SEMA3A: variants seen among roughly 807,000 people sequenced by gnomAD.
The protein encoded by SEMA3A is semaphorin 3A.
SEMA3A carries 29 observed loss-of-function variants against 97.9 expected under a neutral mutation model. The observed-to-expected ratio is 0.30, with a 90% CI of 0.22 to 0.40. The LOEUF (loss-of-function observed/expected upper bound fraction) is 0.40. Ranked by LOEUF, SEMA3A falls within the 10% of genes least tolerant of loss-of-function variation. SEMA3A has a pLI of 1.00. For missense variants in SEMA3A, 763 were observed against 951.3 expected (o/e 0.80, Z 2.60); for synonymous variants, 321 against 323.7 (o/e 0.99, Z 0.09).
Position 84,467,959 on chromosome 7 carries a change from A to T in SEMA3A, c.-246+24501T>A, listed in dbSNP as rs1034208216. The stretch of plus-strand genomic sequence containing the variant: ...CTTTAACTCTGGGCCCAAGGCAGAG[A>T]CTGTTTTTATTTATCAAGCCCTACC... On this transcript the variant is annotated intron_variant, in intron 1 of 3. Coordinates refer to the SEMA3A transcript ENST00000424555. Among the ~76,000 whole-genome samples the T allele has an allele frequency of 2.0e-5, 3 of 152,206 alleles. No homozygotes were observed. In the East Asian group the frequency reaches 5.8e-4, roughly 29 times the overall value.
At chr7:84,036,902 T>C (rs1791960379) in intron 6 of SEMA3A, among the ~76,000 whole-genome samples, 1 of 152,114 alleles carries the variant, frequency 6.6e-6, no homozygotes, top group Admixed American at 6.6e-5. Flanking sequence ...GTATCACCTG[T>C]AACTTGCATT....
At chr7:84,392,908 G>C (rs1803622212) in intron 1 of SEMA3A, among the ~76,000 whole-genome samples, 1 of 152,020 alleles carries the variant, frequency 6.6e-6, no homozygotes, top group South Asian at 2.1e-4. Flanking sequence ...TCAGTCTATA[G>C]AGTTGTTTGA....
rs1432437577 is a variant in SEMA3A at position 84,445,704 on chromosome 7, G to A, written c.-246+46756C>T. Reference sequence around the variant, plus strand: ...AAAATACTATAAGCTGAAACTCATGGTGCATAGTGATAATAGTGCTAAAGA... The same window carrying A: ...AAAATACTATAAGCTGAAACTCATGATGCATAGTGATAATAGTGCTAAAGA... On this transcript the variant is annotated intron_variant, in intron 1 of 3. Transcript: ENST00000424555. 2.6e-5 allele frequency among the ~76,000 whole-genome samples: 4 copies of A among 151,494 alleles called. No individual in the cohort carries two copies. In the East Asian group the frequency reaches 7.7e-4, roughly 29 times the overall value.
intron 3 of SEMA3A, among the ~76,000 whole-genome samples, chr7:84,256,728 C>T (rs533704382): frequency 3.9e-5 from 6 of 152,100 alleles, no homozygotes; most frequent in South Asian, 4.2e-4. Flanking sequence ...AACTGTGAGA[C>T]GACATATGGT....
At position 84,249,724 on chromosome 7, in the gene SEMA3A, C is replaced by T. The variant is rs535560069; in HGVS notation, c.-82-55056G>A. ...AGTGCATTTGAGTCTGGTTCCAACTCTTAAAACACTAAATATGTCATCTTG... is the reference window on the plus strand; with the variant it reads ...AGTGCATTTGAGTCTGGTTCCAACTTTTAAAACACTAAATATGTCATCTTG... On this transcript the variant is annotated intron_variant, in intron 3 of 3. Transcript: ENST00000424555. 2.0e-5 allele frequency among the ~76,000 whole-genome samples: 3 copies of T among 151,464 alleles called. No homozygotes were observed. In the South Asian group the frequency reaches 6.2e-4, roughly 32 times the overall value.
At chr7:83,989,885 A>T (rs1789823612) in intron 12 of SEMA3A, among the ~76,000 whole-genome samples, 1 of 151,182 alleles carries the variant, frequency 6.6e-6, no homozygotes, top group African/African-American at 2.4e-5. Context: ...TCCCTGAGGA[A>T]TTACCACACT....
intron 2 of SEMA3A, among the ~76,000 whole-genome samples, chr7:84,361,725 A>G (rs1004477572): frequency 6.6e-6 from 1 of 152,034 alleles, no homozygotes; most frequent in African/African-American, 2.4e-5. Flanking sequence ...GGAATTTTAA[A>G]AAGTCTATTG....
At chr7:84,085,846 CTTG>C (rs1273568252) in intron 4 of SEMA3A, among the ~76,000 whole-genome samples, 3 of 152,088 alleles carry the variant, frequency 2.0e-5, no homozygotes, top group South Asian at 2.1e-4. Flanking sequence ...AAAGAAAAGT[CTTG>C]TTGTTAGTCA....
intron 1 of SEMA3A, among the ~76,000 whole-genome samples, chr7:84,399,066 A>G (rs950223886): frequency 3.9e-5 from 6 of 152,128 alleles, no homozygotes; most frequent in African/African-American, 1.4e-4. Context: ...AACAGCCTAT[A>G]CCACACCTCC....
chr7:84,229,263 T>C (rs143142597), intron 3 of SEMA3A, among the ~76,000 whole-genome samples: 47 of 152,250 alleles, frequency 3.1e-4, no homozygotes, highest in African/African-American at 1.1e-3. Context: ...TCATTCACCA[T>C]GAACAATTAA....
At chr7:84,303,309 G>T (rs1231403231) in intron 3 of SEMA3A, among the ~76,000 whole-genome samples, 1 of 152,050 alleles carries the variant, frequency 6.6e-6, no homozygotes, top group Non-Finnish European at 1.5e-5. Context: ...AACTGAGTGT[G>T]AACTCAATTG....
chr7:84,279,068 T>C (rs1800376857), intron 3 of SEMA3A, among the ~76,000 whole-genome samples: 1 of 151,792 alleles, frequency 6.6e-6, no homozygotes. Flanking sequence ...AAAATCATCA[T>C]AGTCACAGTT....
intron 3 of SEMA3A, among the ~76,000 whole-genome samples, chr7:84,236,218 G>C (rs370905743): frequency 6.6e-6 from 1 of 151,956 alleles, no homozygotes; most frequent in African/African-American, 2.4e-5. Flanking sequence ...TCTTCCTCCT[G>C]TCTTTTAGCT....
intron 2 of SEMA3A, among the ~76,000 whole-genome samples, chr7:84,357,471 T>G (rs974051080): frequency 1.3e-5 from 2 of 152,152 alleles, no homozygotes; most frequent in Non-Finnish European, 2.9e-5. Flanking sequence ...GAACTCATCA[T>G]TTTTTATGGC....
In SEMA3A at chr7:84,355,756, T is replaced by A. The variant is rs368496158; in HGVS notation, c.-169+16068A>T. Among the ~76,000 whole-genome samples the A allele has an allele frequency of 3.2e-4, 48 of 151,944 alleles. No individual in the cohort carries two copies. The East Asian group carries it at 7.6e-3, about 24-fold the overall frequency. ...TTTGCTCAATTCAGACAATCAAACC[T>A]AAAGAGAAAACTGAAGGAAATTAAA... On this transcript the variant is annotated intron_variant, in intron 2 of 3. Transcript: ENST00000424555.
intron 3 of SEMA3A, among the ~76,000 whole-genome samples, chr7:84,267,400 AAATTCCCAGAACGTATTACTTTTGCCTG>A (rs1800034163): frequency 6.6e-6 from 1 of 152,156 alleles, no homozygotes; most frequent in African/African-American, 2.4e-5. Flanking sequence ...AACATGTTAA[AAATTCCCAGAACGTATTACTTTTGCCTG>A]ACAATAAGTA....
intron 6 of SEMA3A, among the ~76,000 whole-genome samples, chr7:84,038,936 A>G (rs185592644): frequency 1.3e-5 from 2 of 152,282 alleles, no homozygotes; most frequent in African/African-American, 4.8e-5. Flanking sequence ...AACTACTACT[A>G]GAAACATATT....
At chr7:83,964,399 A>C (rs980346590) in intron 15 of SEMA3A, among the ~76,000 whole-genome samples, 7 of 152,216 alleles carry the variant, frequency 4.6e-5, no homozygotes, top group African/African-American at 1.7e-4. Flanking sequence ...TTAATTTAAA[A>C]AATGTTTTCC....
intron 9 of SEMA3A, among the ~76,000 whole-genome samples, chr7:84,008,505 A>AAG (rs1554392903): frequency 3.1e-5 from 3 of 97,294 alleles, no homozygotes; most frequent in Non-Finnish European, 4.5e-5. Context: ...AAAAAAAAAA[A>AAG]AAAGAAAGAA....
Sources: allele counts gnomAD v4.1 joint callset (sites outside exome capture counted in the v4.1 genomes callset), GRCh38; gene constraint gnomAD v4.1.1; transcripts MANE v1.5; gene names NCBI Gene and HGNC (gene_info 2026-07-23, HGNC 2026-07-21).